Variants in FILIP1L observed in about 807,000 individuals in gnomAD.
FILIP1L encodes the protein filamin A interacting protein 1 like.
FILIP1L carries 55 observed loss-of-function variants against 96.6 expected under a neutral mutation model. That is an observed-to-expected ratio of 0.57 (90% CI 0.46 to 0.71). The LOEUF (loss-of-function observed/expected upper bound fraction) is 0.71, where lower values mean the gene tolerates loss of function less well. Ranked by LOEUF, FILIP1L falls within the 30% of genes least tolerant of loss-of-function variation. The pLI, the probability that FILIP1L is intolerant of heterozygous loss-of-function variation, is 0.00. For synonymous variants in FILIP1L, 467 were observed against 473.9 expected (o/e 0.99, Z 0.19); for missense variants, 1,304 against 1,321.2 (o/e 0.99, Z 0.20).
intron 5 of FILIP1L, among the ~76,000 whole-genome samples, chr3:99,840,944 A>G (rs543933754): frequency 6.6e-6 from 1 of 152,320 alleles, no homozygotes; most frequent in African/African-American, 2.4e-5. Context: ...AGAGATTGAC[A>G]GTTTCCCACT....
intron 1 of FILIP1L, among the ~76,000 whole-genome samples, chr3:100,049,114 G>A (rs1261153776): frequency 1.3e-5 from 2 of 152,178 alleles, no homozygotes. Context: ...TCTGACAATT[G>A]CAAACAGTTC....
chr3:99,985,014 G>C (rs554132255), intron 1 of FILIP1L, among the ~76,000 whole-genome samples: 2 of 152,118 alleles, frequency 1.3e-5, no homozygotes, highest in Non-Finnish European at 1.5e-5. Context: ...ATACTTAAAG[G>C]GGTTGCCGTG....
intron 4 of FILIP1L, among the ~76,000 whole-genome samples, chr3:99,909,468 A>G (rs982893435): frequency 6.6e-6 from 1 of 152,146 alleles, no homozygotes; most frequent in Admixed American, 6.6e-5. Context: ...CCCTTGTACA[A>G]TAGTTACTTG....
intron 4 of FILIP1L, among the ~76,000 whole-genome samples, chr3:99,906,251 T>C (rs1706614583): frequency 6.6e-6 from 1 of 152,202 alleles, no homozygotes; most frequent in South Asian, 2.1e-4. Flanking sequence ...TACTCCCTCG[T>C]TGTAAATTTA....
chr3:100,093,725 A>G (rs2066154081), intron 1 of FILIP1L, among the ~76,000 whole-genome samples: 1 of 152,200 alleles, frequency 6.6e-6, no homozygotes, highest in South Asian at 2.1e-4. Context: ...TCTCTCCTGA[A>G]ACCCTGGCAA....
intron 1 of FILIP1L, among the ~76,000 whole-genome samples, chr3:99,986,280 A>G (rs962669751): frequency 1.1e-4 from 17 of 152,220 alleles, no homozygotes; most frequent in Non-Finnish European, 2.2e-4. Context: ...TCCCAGGAAC[A>G]GGTGTTTTTT....
intron 4 of FILIP1L, among the ~76,000 whole-genome samples, chr3:99,891,173 G>C (rs1445706070): frequency 6.6e-6 from 1 of 151,672 alleles, no homozygotes; most frequent in Admixed American, 6.6e-5. Flanking sequence ...CAATGCCATA[G>C]TTCATGGAAA....
chr3:100,060,875 TA>T (rs1409282169), intron 1 of FILIP1L, among the ~76,000 whole-genome samples: 2 of 151,656 alleles, frequency 1.3e-5, no homozygotes, highest in South Asian at 2.1e-4. Context: ...AAAATAAAAA[TA>T]AAAAACAAAT....
At chr3:99,940,136 C>T (rs1707809930) in intron 1 of FILIP1L, among the ~76,000 whole-genome samples, 1 of 152,162 alleles carries the variant, frequency 6.6e-6, no homozygotes, top group African/African-American at 2.4e-5. Context: ...TCCAAGTTTT[C>T]CATTACAAAT....
At chr3:99,939,432 C>T (rs1707790125) in intron 1 of FILIP1L, among the ~76,000 whole-genome samples, 1 of 152,180 alleles carries the variant, frequency 6.6e-6, no homozygotes, top group South Asian at 2.1e-4. Context: ...CACTCAGTTT[C>T]TTTATTCATT....
At chr3:99,956,703 AC>A (rs1476589653) in intron 1 of FILIP1L, among the ~76,000 whole-genome samples, 2 of 151,478 alleles carry the variant, frequency 1.3e-5, no homozygotes, top group Non-Finnish European at 2.9e-5. Context: ...CCCATCAAAT[AC>A]CCCCTTCCCT....
At chr3:100,041,924 A>G (rs935928829) in intron 1 of FILIP1L, among the ~76,000 whole-genome samples, 5 of 152,222 alleles carry the variant, frequency 3.3e-5, no homozygotes, top group Admixed American at 2.6e-4. Context: ...TAGGATAGAA[A>G]GGCACAGGCT....
At chr3:100,015,499 T>G (rs1710315362) in intron 1 of FILIP1L, among the ~76,000 whole-genome samples, 3 of 152,214 alleles carry the variant, frequency 2.0e-5, no homozygotes. Context: ...CAGTATTCAT[T>G]TTTCTAATTC....
intron 1 of FILIP1L, among the ~76,000 whole-genome samples, chr3:99,947,126 A>G (rs1708033441): frequency 7.8e-6 from 1 of 128,032 alleles, no homozygotes; most frequent in Non-Finnish European, 1.6e-5. Context: ...CGACAGAGCA[A>G]GACTCTGTCT....
At chr3:99,912,927 A>G (rs1706837609) in intron 4 of FILIP1L, among the ~76,000 whole-genome samples, 2 of 152,132 alleles carry the variant, frequency 1.3e-5, no homozygotes, top group African/African-American at 2.4e-5. Flanking sequence ...TGTCCCCCCA[A>G]ACTCTTATGT....
At chr3:100,006,790 C>T (rs189121166) in intron 1 of FILIP1L, among the ~76,000 whole-genome samples, 39 of 152,226 alleles carry the variant, frequency 2.6e-4, no homozygotes, top group Admixed American at 2.2e-3. Flanking sequence ...TTAATAATTG[C>T]GGCATGTCAG....
intron 1 of FILIP1L, among the ~76,000 whole-genome samples, chr3:99,998,820 T>C (rs563979804): frequency 8.5e-5 from 13 of 152,314 alleles, no homozygotes; most frequent in Admixed American, 6.5e-4. Flanking sequence ...CCGCCCGCCT[T>C]AGCCTCCCAA....
At position 99,971,822 on chromosome 3, in the gene FILIP1L, A is replaced by G. The variant is rs146417086; in HGVS notation, c.-10-40792T>C. On this transcript the variant is annotated intron_variant, in intron 1 of 5. Coordinates refer to ENST00000477258, the MANE Select transcript of FILIP1L (RefSeq NM_001387850.1). ...CAGAGTCGGTTCCTAGCTTGAATGAATGAATGAATAATGACGTTGGGGCCT... is the reference window on the plus strand; with the variant it reads ...CAGAGTCGGTTCCTAGCTTGAATGAGTGAATGAATAATGACGTTGGGGCCT... Among the ~76,000 whole-genome samples, 646 of 152,352 alleles carry G rather than the reference A, an allele frequency of 4.2e-3. 2 individuals carry two copies. Among genetic ancestry groups the G allele is most frequent in the Non-Finnish European group, 5.7e-3 (385 of 68,040 alleles).
At chr3:99,892,194 T>G (rs1706104373) in intron 4 of FILIP1L, among the ~76,000 whole-genome samples, 1 of 152,182 alleles carries the variant, frequency 6.6e-6, no homozygotes, top group Non-Finnish European at 1.5e-5. Context: ...AACTGCATCT[T>G]GAATTAAGAA....
Sources: gnomAD v4.1 joint callset for allele counts (sites outside exome capture counted in the v4.1 genomes callset) on GRCh38, gnomAD v4.1.1 for gene constraint, MANE v1.5 for transcripts, NCBI Gene and HGNC (gene_info 2026-07-23, HGNC 2026-07-21) for gene names.